The following ANO9 variants were observed in gnomAD, a reference collection of about 807,000 sequenced individuals.
ANO9 encodes the protein anoctamin 9, also known as anoctamin-9.
A neutral mutation model predicts 100.5 loss-of-function variants in ANO9; 80 were observed. The ratio of observed to expected loss-of-function variants is 0.80; its 90% CI spans 0.66 to 0.96. The LOEUF (loss-of-function observed/expected upper bound fraction) is 0.96, where lower values mean the gene tolerates loss of function less well. Ranked by LOEUF, ANO9 falls within the 40% of genes least tolerant of loss-of-function variation. ANO9 has a pLI of 0.00. For synonymous variants in ANO9, 473 were observed against 435.6 expected, an observed-to-expected ratio of 1.09 and a Z score of -1.07; for missense variants, 1,064 against 1,072.7, an observed-to-expected ratio of 0.99 and a Z score of 0.11.
In ANO9 at chr11:420,546, C is replaced by T. The variant is rs1172294980; in HGVS notation, c.1703G>A (p.Ser568Asn). The T allele has an allele frequency of 6.2e-7, 1 of 1,606,184 alleles. No homozygotes were observed. ...GTCCAGGCGGATCTCCACGAGGTTG[C>T]TGAAGAGCGCGAGCAGCGGCGCCAG... The part of the protein sequence containing the change: ...FPLAPLLALF[S>N]NLVEIRLDAI... The change falls in exon 19 of 23, where the codon AGC becomes AAC. Residue 568 changes from serine (S) to asparagine (N), a missense_variant. Physicochemically the swap from Ser to Asn is conservative, Grantham distance 46. Transcript: ENST00000332826.
intron 1 of ANO9, among the ~76,000 whole-genome samples, chr11:439,166 C>T (rs1418619869): frequency 6.6e-6 from 1 of 152,260 alleles, no homozygotes; most frequent in Non-Finnish European, 1.5e-5. Context: ...CTCCCCCATC[C>T]TTCCTGTCCC....
In ANO9 at chr11:441,848, G is replaced by C. The variant is rs1306597382; in HGVS notation, c.6+73C>G. On this transcript the variant is annotated intron_variant, in intron 1 of 22. Coordinates refer to ENST00000332826, the MANE Select transcript of ANO9 (RefSeq NM_001012302.3). ...TTCCAGGTGGGGCTGGCGGGGGGCT[G>C]GGGCCGGGGGCCCCAGGTGTGGGCG... is the stretch of plus-strand genomic sequence containing the variant. The C allele has an allele frequency of 1.2e-5, 19 of 1,560,004 alleles. No individual in the cohort carries two copies. In the Admixed American group the frequency reaches 3.3e-4, roughly 27 times the overall value.
intron 4 of ANO9, chr11:433,018 G>A: frequency 2.5e-6 from 1 of 404,214 alleles, no homozygotes; most frequent in South Asian, 4.7e-5. Flanking sequence ...CTGGGCCTCT[G>A]CAAATCCTGC....
In ANO9 at chr11:421,604, CAG is replaced by C. The variant is rs1350698789; in HGVS notation, c.1335-408_1335-407del. Among the ~76,000 whole-genome samples, 1 of 138,914 alleles carries C rather than the reference CAG, an allele frequency of 7.2e-6. No homozygotes were observed. The highest frequency in any genetic ancestry group is 7.1e-5 in the Admixed American group (1 of 13,998). The allele number at this position is 138,914 out of a possible 152,430, so 91.1% of individuals were successfully genotyped here. ...GCGCACACACACACACACCCCCACA[CAG>C]GGGAGGCCACAGGCTCCCAGACGAA... is the stretch of plus-strand genomic sequence containing the variant. On this transcript the variant is annotated intron_variant, in intron 15 of 22. Transcript: ENST00000332826. This position sits in a 1 kb window ranked among gnomAD's most constrained non-coding sequence, Gnocchi z 6.8.
At chr11:433,291 CG>C (rs1229452082) in intron 4 of ANO9, 22 bp downstream of exon 4, 1 of 1,606,222 alleles carries the variant, frequency 6.2e-7, no homozygotes, top group African/African-American at 1.3e-5. Flanking sequence ...CTCCTGGCCA[CG>C]GCTCTGGGTG....
rs772273791 is a variant in ANO9, at chr11:421,182, C to T, written c.1351G>A (p.Gly451Arg). The T allele has an allele frequency of 1.2e-5, 18 of 1,555,370 alleles. No homozygotes were observed. Among genetic ancestry groups the T allele is most frequent in the African/African-American group, 2.7e-5 (2 of 73,474 alleles). The change falls in exon 16 of 23, where the codon GGG (glycine) becomes AGG (arginine). Residue 451 changes from glycine (G) to arginine (R), a missense_variant. Physicochemically the swap from Gly to Arg is moderately radical, Grantham distance 125. Coordinates refer to ENST00000332826, the MANE Select transcript of ANO9 (RefSeq NM_001012302.3). The surrounding 1 kb of genome is among the most constrained non-coding windows in gnomAD (Gnocchi z 6.8). ...AAGCCCGCCAGGCGCGTGGACTTCC[C>T]GGGGTGGCCGTTGATCCTGGGGAGG... is the stretch of plus-strand genomic sequence containing the variant. ...FILGRINGHP[G>R]KSTRLAGLWK...
chr11:435,291 A>C (rs201683250), intron 1 of ANO9, among the ~76,000 whole-genome samples: 16 of 73,112 alleles, frequency 2.2e-4, no homozygotes, highest in East Asian at 1.5e-3. Flanking sequence ...CTAGTCTAGC[A>C]TAGCATAGCA....
chr11:436,491 C>G (rs1849556077), intron 1 of ANO9, among the ~76,000 whole-genome samples: 1 of 151,872 alleles, frequency 6.6e-6, no homozygotes, highest in African/African-American at 2.4e-5. Flanking sequence ...TCTCTACCGT[C>G]TCAACCACAG....
At chr11:427,549 C>T (rs758674328) in intron 15 of ANO9, among the ~76,000 whole-genome samples, 34 of 150,648 alleles carry the variant, frequency 2.3e-4, no homozygotes, top group Admixed American at 3.3e-4. Context: ...CTGGGTAACA[C>T]GGTGAGACCC....
At position 420,583 on chromosome 11, in the gene ANO9, C is replaced by A; in HGVS notation, c.1666G>T (p.Ala556Ser). ...AGCAGCGGCGCCAGCGGGAAGGCGG[C>A]CACGAAGATGGTGGTGAAGCCGTAC... is the stretch of plus-strand genomic sequence containing the variant. The part of the protein sequence containing the change: ...IQYGFTTIFV[A>S]AFPLAPLLAL... The change falls in exon 19 of 23, where the codon GCC becomes TCC. Residue 556 changes from alanine (A) to serine (S), a missense_variant. Transcript: ENST00000332826. 1 of 1,605,084 alleles carries A rather than the reference C, an allele frequency of 6.2e-7. No individual in the cohort carries two copies.
At chr11:433,693 C>G in intron 3 of ANO9, 122 bp downstream of exon 3, 1 of 1,444,238 alleles carries the variant, frequency 6.9e-7, no homozygotes, top group East Asian at 2.5e-5. Flanking sequence ...CCCTCCGTGC[C>G]GCCATGACCG....
rs778482238 is a variant in ANO9 at position 420,711 on chromosome 11, C to A, written c.1633+7G>T. ...CCGCGAACCCCCGCCCCGCAGCGCC[C>A]ACGCACTCATCTCCATGAACTCGTC... is the stretch of plus-strand genomic sequence containing the variant. On this transcript the variant is annotated splice_region_variant and intron_variant, in intron 18 of 22. Transcript: ENST00000332826. 2.5e-6 allele frequency: 4 copies of A among 1,607,186 alleles called. No homozygotes were observed. Among genetic ancestry groups the A allele is most frequent in the Non-Finnish European group, 3.4e-6 (4 of 1,177,592 alleles).
At chr11:431,955 C>T (rs751187266) in intron 5 of ANO9, 44 bp downstream of exon 5, 2 of 1,612,392 alleles carry the variant, frequency 1.2e-6, no homozygotes, top group Non-Finnish European at 1.7e-6. Context: ...GCTGGGAGAA[C>T]CCTGCCCGCA....
At chr11:435,971 A>T (rs1345065958) in intron 1 of ANO9, among the ~76,000 whole-genome samples, 1 of 150,368 alleles carries the variant, frequency 6.7e-6, no homozygotes, top group African/African-American at 2.5e-5. Flanking sequence ...CAGTGATTGC[A>T]TGGGACACGC....
In ANO9 at chr11:428,165, C is replaced by T; in HGVS notation, c.1257G>A (p.Arg419=). ...GCAGTGTGAAGAAGCGGATGGTGAA[C>T]CTGCTCTCTCGCTCCGAGAAGGTCC... is the stretch of plus-strand genomic sequence containing the variant. The part of the protein sequence containing the change: ...MPRTFSERES[R]FTIRFFTLQF... The change falls in exon 15 of 23, where the codon AGG becomes AGA. Residue 419 remains arginine, a synonymous_variant. Transcript: ENST00000332826. The T allele has an allele frequency of 1.2e-6, 2 of 1,611,746 alleles. No individual in the cohort carries two copies. The highest frequency in any genetic ancestry group is 1.7e-6 in the Non-Finnish European group (2 of 1,179,658).
chr11:425,784 T>C (rs1486578429), intron 15 of ANO9, among the ~76,000 whole-genome samples: 1 of 151,938 alleles, frequency 6.6e-6, no homozygotes, highest in Non-Finnish European at 1.5e-5. Flanking sequence ...CAGGCTGGAG[T>C]GCAGTGGCGC....
At chr11:428,682 A>C (rs371250902) in intron 12 of ANO9, 40 bp downstream of exon 12, 1 of 1,612,204 alleles carries the variant, frequency 6.2e-7, no homozygotes, top group Non-Finnish European at 8.5e-7. Context: ...GAGGGCATGC[A>C]GCCCGGGTCT....
Position 425,233 on chromosome 11 carries a change from G to T in ANO9, c.1334+2855C>A. On this transcript the variant is annotated intron_variant, in intron 15 of 22. Transcript: ENST00000332826. ...GACGGGACGCGCGGGAGGAAAAGGCGGCGTGGAGAGACGGGACGCGCGGGA... is the reference window on the plus strand; with the variant it reads ...GACGGGACGCGCGGGAGGAAAAGGCTGCGTGGAGAGACGGGACGCGCGGGA... Among the ~76,000 whole-genome samples, 3 of 30,150 alleles carry T rather than the reference G, an allele frequency of 1.0e-4. 1 individual carries two copies. Among genetic ancestry groups the T allele is most frequent in the Non-Finnish European group, 1.7e-4 (3 of 17,356 alleles). The allele number at this position is 30,150 out of a possible 152,430, so 19.8% of individuals were successfully genotyped here.
chr11:419,909 T>C (rs1212620314), intron 19 of ANO9, 180 bp from the exon 20 acceptor site: 4 of 1,427,518 alleles, frequency 2.8e-6, no homozygotes, highest in Non-Finnish European at 3.7e-6. Flanking sequence ...GCCTCTGCGC[T>C]CCTGCACCCC....
Sources: allele counts gnomAD v4.1 joint callset (sites outside exome capture counted in the v4.1 genomes callset), GRCh38; gene constraint gnomAD v4.1.1; non-coding constraint Gnocchi (gnomAD v3.1); transcripts MANE v1.5; gene names NCBI Gene and HGNC (gene_info 2026-07-23, HGNC 2026-07-21).